The following ELAPOR1 variants were observed in gnomAD, a reference collection of about 807,000 sequenced individuals.
ELAPOR1 encodes the protein endosome-lysosome associated apoptosis and autophagy regulator 1, also known as endosome/lysosome-associated apoptosis and autophagy regulator 1.
ELAPOR1 carries 77 observed loss-of-function variants against 119.7 expected under a neutral mutation model. The observed-to-expected ratio is 0.64, with a 90% CI of 0.54 to 0.78. The LOEUF is 0.78. Among genes scored for constraint, ELAPOR1 ranks in the 30% least tolerant of loss-of-function variants. The probability of loss-of-function intolerance (pLI) is 0.00; values close to 1 mark genes in which losing one functional copy is unlikely to be tolerated. For missense variants in ELAPOR1, 1,115 were observed against 1,270.4 expected, an observed-to-expected ratio of 0.88 and a Z score of 1.86; for synonymous variants, 481 against 487.2, an observed-to-expected ratio of 0.99 and a Z score of 0.17.
rs41279690 is a variant in ELAPOR1, at chr1:109,191,727, G to A, written c.1547G>A (p.Gly516Asp). The stretch of plus-strand genomic sequence containing the variant: ...TTCACTTGTCTGTCCTGGGTTCAGG[G>A]TGTGAATTCTAGGACCAACACTCCT... ...SVNCELYFMV[G>D]VNSRTNTPVE... Residue 516 changes from glycine to aspartate, a missense_variant and splice_region_variant, in exon 13 of 22, where the codon GGT becomes GAT. Gly to Asp is a moderately conservative substitution (Grantham distance 94, BLOSUM62 -1). Coordinates refer to ENST00000369939, the MANE Select transcript of ELAPOR1 (RefSeq NM_020775.5). 5,521 of 1,614,216 alleles carry A rather than the reference G, an allele frequency of 3.4e-3. 20 individuals are homozygous for A. The highest frequency in any genetic ancestry group is 4.3e-3 in the Non-Finnish European group (5,050 of 1,180,022).
At position 109,173,788 on chromosome 1, in the gene ELAPOR1, A is replaced by G. The variant is rs1469414995; in HGVS notation, c.903A>G (p.Ser301=). The G allele has an allele frequency of 5.6e-6, 9 of 1,613,990 alleles. No individual in the cohort carries two copies. In the African/African-American group the frequency reaches 1.2e-4, roughly 22 times the overall value. ...FCKLCPANSY[S]NKGETSCHQC... is the part of the protein sequence containing the mutation. ...AACTTTGCCCAGCCAACTCTTATTC[A>G]AATAAAGGAGAAACTTCTTGCCACC... The change falls in exon 7 of 22, where the codon TCA becomes TCG. Residue 301 remains serine (S), a synonymous_variant. Coordinates refer to ENST00000369939, the MANE Select transcript of ELAPOR1 (RefSeq NM_020775.5).
At chr1:109,183,197 A>G (rs1652801963) in intron 7 of ELAPOR1, among the ~76,000 whole-genome samples, 1 of 152,052 alleles carries the variant, frequency 6.6e-6, no homozygotes, top group Non-Finnish European at 1.5e-5. Flanking sequence ...CCACTGCTTT[A>G]AAGAGAGAGT....
Position 109,189,643 on chromosome 1 carries a change from A to C in ELAPOR1, c.1400A>C (p.Asn467Thr). Reference sequence around the variant, plus strand: ...TACACAGCTGCTGGAGCCTCAGACAATGACTTCATGATTCTCACTCTGGTT... The same window carrying C: ...TACACAGCTGCTGGAGCCTCAGACACTGACTTCATGATTCTCACTCTGGTT... ...HIYTAAGASDNDFMILTLVVP... is the reference protein window; with the variant it reads ...HIYTAAGASDTDFMILTLVVP... The change falls in exon 11 of 22, where the codon AAT (asparagine) becomes ACT (threonine). Residue 467 changes from asparagine (N) to threonine (T), a missense_variant. Coordinates refer to ENST00000369939, the MANE Select transcript of ELAPOR1 (RefSeq NM_020775.5). 6.2e-7 allele frequency: 1 copy of C among 1,614,178 alleles called. No homozygotes were observed. The highest frequency in any genetic ancestry group is 8.5e-7 in the Non-Finnish European group (1 of 1,180,028).
chr1:109,125,753 A>G (rs1648739415), intron 1 of ELAPOR1, among the ~76,000 whole-genome samples: 1 of 152,224 alleles, frequency 6.6e-6, no homozygotes, highest in South Asian at 2.1e-4. Flanking sequence ...ATAAGAATGC[A>G]TCTTCATACA....
intron 1 of ELAPOR1, among the ~76,000 whole-genome samples, chr1:109,155,476 C>T (rs560005656): frequency 1.2e-4 from 19 of 152,282 alleles, no homozygotes; most frequent in Middle Eastern, 3.4e-3. Flanking sequence ...CCAAGCCCGG[C>T]CGTGAACATC....
chr1:109,192,939 G>T, intron 14 of ELAPOR1, 65 bp downstream of exon 14: 1 of 1,557,386 alleles, frequency 6.4e-7, no homozygotes, highest in Non-Finnish European at 8.7e-7. Context: ...GAAGATGCTG[G>T]GTCCTGGGTA....
At chr1:109,197,851 C>A in intron 16 of ELAPOR1, 128 bp from the exon 17 acceptor site, 1 of 1,011,512 alleles carries the variant, frequency 9.9e-7, no homozygotes, top group African/African-American at 1.6e-5. Flanking sequence ...CTTGTTTCAC[C>A]CTTTCATAAG....
intron 1 of ELAPOR1, among the ~76,000 whole-genome samples, chr1:109,136,871 A>G (rs1649505231): frequency 6.6e-6 from 1 of 152,196 alleles, no homozygotes; most frequent in African/African-American, 2.4e-5. Context: ...CGTGAGTCAA[A>G]TAATTTACCA....
In ELAPOR1 at chr1:109,173,583, C is replaced by A; in HGVS notation, c.802+4C>A. ...GTGAGAAACATTGCCATAACAGGTA[C>A]TGAGAGCAGGGTTACTGACTTCCTG... On this transcript the variant is annotated splice_donor_region_variant and intron_variant, in intron 6 of 21. Coordinates refer to ENST00000369939, the MANE Select transcript of ELAPOR1 (RefSeq NM_020775.5). 2 of 1,613,894 alleles carry A rather than the reference C, an allele frequency of 1.2e-6. No individual in the cohort carries two copies.
chr1:109,122,878 A>G (rs959365041), intron 1 of ELAPOR1, among the ~76,000 whole-genome samples: 2 of 152,152 alleles, frequency 1.3e-5, no homozygotes, highest in Non-Finnish European at 2.9e-5. Flanking sequence ...GACCATTTGA[A>G]CCCAGGAGGT....
chr1:109,120,732 C>T (rs1164752754), intron 1 of ELAPOR1, among the ~76,000 whole-genome samples: 3 of 151,996 alleles, frequency 2.0e-5, no homozygotes, highest in Admixed American at 6.6e-5. Flanking sequence ...TCTTGGGGGT[C>T]GTGTTTACCT....
intron 1 of ELAPOR1, chr1:109,161,659 G>T: frequency 2.7e-6 from 1 of 376,578 alleles, no homozygotes; most frequent in East Asian, 4.1e-5. Flanking sequence ...ACAACAAAGA[G>T]AGTCACACAC....
intron 7 of ELAPOR1, 135 bp downstream of exon 7, chr1:109,173,972 T>C: frequency 1.1e-6 from 1 of 925,922 alleles, no homozygotes; most frequent in Non-Finnish European, 1.6e-6. Flanking sequence ...TTCTGGATCC[T>C]GGAATACCCT....
intron 1 of ELAPOR1, among the ~76,000 whole-genome samples, chr1:109,131,363 A>C (rs1259952632): frequency 6.6e-6 from 1 of 152,168 alleles, no homozygotes; most frequent in Non-Finnish European, 1.5e-5. Context: ...AAGTCACGAA[A>C]TTCAGTGCAC....
chr1:109,199,819 G>T, intron 18 of ELAPOR1, 35 bp from the exon 19 acceptor site: 3 of 1,603,788 alleles, frequency 1.9e-6, no homozygotes, highest in East Asian at 2.2e-5. Flanking sequence ...CCCCTCCAGC[G>T]AGTGAGAGCT....
At chr1:109,118,920 C>T (rs144346973) in intron 1 of ELAPOR1, among the ~76,000 whole-genome samples, 1,165 of 73,666 alleles carry the variant, frequency 0.016, 20 homozygotes, top group African/African-American at 0.11. Flanking sequence ...TTTTTTGAGA[C>T]GGAGTCTCGC....
At chr1:109,192,447 A>C (rs1289334574) in intron 13 of ELAPOR1, among the ~76,000 whole-genome samples, 164 bp from the exon 14 acceptor site, 1 of 152,204 alleles carries the variant, frequency 6.6e-6, no homozygotes, top group Non-Finnish European at 1.5e-5. Flanking sequence ...CATCAAATGC[A>C]CACGAAGAGC....
intron 3 of ELAPOR1, among the ~76,000 whole-genome samples, chr1:109,168,010 G>T (rs1218410424): frequency 1.3e-5 from 2 of 152,078 alleles, no homozygotes; most frequent in African/African-American, 4.8e-5. Flanking sequence ...CCCACAGCCT[G>T]CAGGGCCCTG....
chr1:109,139,364 AAAAT>A (rs1353869957), intron 1 of ELAPOR1, among the ~76,000 whole-genome samples: 8 of 152,080 alleles, frequency 5.3e-5, no homozygotes, highest in African/African-American at 1.9e-4. Context: ...AAATAAAAAT[AAAAT>A]AAATAAATAA....
Sources: allele counts gnomAD v4.1 joint callset (sites outside exome capture counted in the v4.1 genomes callset), GRCh38; gene constraint gnomAD v4.1.1; transcripts MANE v1.5; gene names NCBI Gene and HGNC (gene_info 2026-07-23, HGNC 2026-07-21).